Variants in RIMS2 observed in about 807,000 individuals in gnomAD.
RIMS2 encodes the protein regulating synaptic membrane exocytosis 2, also known as regulating synaptic membrane exocytosis protein 2.
In RIMS2, 59 loss-of-function variants were observed where a neutral mutation model predicts 174.4. That is an observed-to-expected ratio of 0.34 (90% CI 0.27 to 0.42). The LOEUF is 0.42. RIMS2 is among the 10% of genes least tolerant of loss of function. The probability of loss-of-function intolerance (pLI) is 1.00; values close to 1 mark genes in which losing one functional copy is unlikely to be tolerated. For synonymous variants in RIMS2, 606 were observed against 572.5 expected, an observed-to-expected ratio of 1.06 and a Z score of -0.84; for missense variants, 1,620 against 1,666.3, an observed-to-expected ratio of 0.97 and a Z score of 0.48.
At chr8:103,901,543 T>A (rs1380969915) in intron 4 of RIMS2, among the ~76,000 whole-genome samples, 1 of 152,170 alleles carries the variant, frequency 6.6e-6, no homozygotes, top group Non-Finnish European at 1.5e-5. Flanking sequence ...ATATACATAT[T>A]TAAATTATAT....
intron 14 of RIMS2, among the ~76,000 whole-genome samples, chr8:103,955,383 A>G (rs1484593575): frequency 6.6e-6 from 1 of 152,190 alleles, no homozygotes; most frequent in African/African-American, 2.4e-5. Context: ...CCAGCAGCAC[A>G]TCAAGAAGGT....
intron 15 of RIMS2, among the ~76,000 whole-genome samples, chr8:103,961,692 C>G (rs2090145734): frequency 6.6e-6 from 1 of 152,102 alleles, no homozygotes; most frequent in Admixed American, 6.6e-5. Context: ...ACAATGTTTA[C>G]ATGTAATACC....
At chr8:103,908,208 AT>A (rs1201756938) in intron 4 of RIMS2, among the ~76,000 whole-genome samples, 6 of 151,634 alleles carry the variant, frequency 4.0e-5, no homozygotes, top group African/African-American at 1.5e-4. Flanking sequence ...TGCCCAGCTA[AT>A]TTTTTGTATT....
intron 3 of RIMS2, chr8:103,768,772 G>A (rs1318937649): frequency 2.7e-6 from 2 of 740,366 alleles, no homozygotes; most frequent in African/African-American, 3.5e-5. Flanking sequence ...TTTAAACAAA[G>A]AAGGTAAGAA....
intron 19 of RIMS2, among the ~76,000 whole-genome samples, chr8:104,017,981 G>A (rs1211745685): frequency 6.6e-6 from 1 of 152,096 alleles, no homozygotes; most frequent in Admixed American, 6.5e-5. Context: ...AGGCTGAGGT[G>A]GGAGGATCAC....
intron 3 of RIMS2, among the ~76,000 whole-genome samples, chr8:103,838,721 A>G (rs754163437): frequency 6.6e-5 from 10 of 152,194 alleles, no homozygotes; most frequent in Non-Finnish European, 8.8e-5. Context: ...AATCATGTGC[A>G]GTATATTCTA....
intron 1 of RIMS2, among the ~76,000 whole-genome samples, chr8:103,579,902 G>A (rs1300553351): frequency 6.6e-6 from 1 of 152,196 alleles, no homozygotes; most frequent in Non-Finnish European, 1.5e-5. Context: ...GGTGGCAGGA[G>A]ACAGAGAGAG....
At chr8:103,909,895 G>A (rs2075305661) in intron 4 of RIMS2, among the ~76,000 whole-genome samples, 1 of 151,474 alleles carries the variant, frequency 6.6e-6, no homozygotes, top group African/African-American at 2.4e-5. Flanking sequence ...CAGGACTTTT[G>A]TAGGGTCTGT....
intron 19 of RIMS2, among the ~76,000 whole-genome samples, chr8:104,160,320 C>G (rs927792579): frequency 3.3e-5 from 5 of 152,114 alleles, no homozygotes; most frequent in Non-Finnish European, 7.4e-5. Context: ...TGTTAGAATG[C>G]ATGTATGAAT....
chr8:103,532,033 G>A (rs577548368), intron 1 of RIMS2, among the ~76,000 whole-genome samples: 1 of 152,296 alleles, frequency 6.6e-6, no homozygotes, highest in African/African-American at 2.4e-5. Context: ...TATAACTATT[G>A]TGTACTTCTA....
At chr8:103,621,479 G>T (rs2095633971) in intron 1 of RIMS2, among the ~76,000 whole-genome samples, 1 of 152,240 alleles carries the variant, frequency 6.6e-6, no homozygotes, top group East Asian at 1.9e-4. Context: ...AGAGGAATAG[G>T]CTATGACCTA....
intron 19 of RIMS2, among the ~76,000 whole-genome samples, chr8:104,216,836 C>T (rs984335225): frequency 1.3e-5 from 2 of 152,062 alleles, no homozygotes; most frequent in Non-Finnish European, 1.5e-5. Context: ...TAGAATAGTG[C>T]CTGGCATGTG....
In RIMS2 at chr8:103,913,716, G is replaced by C. The variant is rs115269790; in HGVS notation, c.1812+1544G>C. On this transcript the variant is annotated intron_variant, in intron 6 of 23. Transcript: ENST00000504942. The stretch of plus-strand genomic sequence containing the variant: ...AATTATGGTCAAAGGTGAAGGGAGA[G>C]TACGCATGTCACATGGCAAAAGCAG... Among the ~76,000 whole-genome samples the C allele has an allele frequency of 6.1e-3, 928 of 152,166 alleles. 11 individuals carry two copies. Among genetic ancestry groups the C allele is most frequent in the African/African-American group, 0.021 (876 of 41,520 alleles).
At chr8:103,550,496 G>A (rs904558582) in intron 1 of RIMS2, among the ~76,000 whole-genome samples, 1 of 152,132 alleles carries the variant, frequency 6.6e-6, no homozygotes, top group Non-Finnish European at 1.5e-5. Context: ...GCCCACAAGA[G>A]AAAGCAGGAA....
chr8:103,729,488 T>C (rs1271464750), intron 2 of RIMS2, among the ~76,000 whole-genome samples: 3 of 152,034 alleles, frequency 2.0e-5, no homozygotes, highest in African/African-American at 7.2e-5. Flanking sequence ...TGGCTAAAGG[T>C]TTGTTTATTT....
intron 19 of RIMS2, among the ~76,000 whole-genome samples, chr8:104,036,118 A>T (rs2096508107): frequency 1.3e-5 from 2 of 148,332 alleles, no homozygotes; most frequent in Admixed American, 1.3e-4. Flanking sequence ...TAGTTTCAAA[A>T]TAAAATTTAT....
At chr8:103,667,265 A>G (rs1306154021) in intron 1 of RIMS2, among the ~76,000 whole-genome samples, 2 of 152,228 alleles carry the variant, frequency 1.3e-5, no homozygotes, top group Non-Finnish European at 2.9e-5. Context: ...GCAGTAAGTT[A>G]TAATTTTATT....
At chr8:103,746,388 G>T (rs530942167) in intron 2 of RIMS2, among the ~76,000 whole-genome samples, 14 of 152,144 alleles carry the variant, frequency 9.2e-5, no homozygotes, top group Non-Finnish European at 1.3e-4. Context: ...TGTATAAGAG[G>T]TCTCTGATAC....
chr8:103,641,446 G>A (rs905184713), intron 1 of RIMS2, among the ~76,000 whole-genome samples: 7 of 151,960 alleles, frequency 4.6e-5, no homozygotes, highest in Admixed American at 1.3e-4. Context: ...TTACTGTACT[G>A]ATCTATCAAA....
Sources: gnomAD v4.1 joint callset for allele counts (sites outside exome capture counted in the v4.1 genomes callset) on GRCh38, gnomAD v4.1.1 for gene constraint, MANE v1.5 for transcripts, NCBI Gene and HGNC (gene_info 2026-07-23, HGNC 2026-07-21) for gene names.